ARSB: variants seen among roughly 807,000 people sequenced by gnomAD.
ARSB encodes the protein N-acetylgalactosamine-4-sulfatase.
A neutral mutation model predicts 50.9 loss-of-function variants in ARSB; 41 were observed. That is an observed-to-expected ratio of 0.81 (90% CI 0.63 to 1.04). ARSB has a LOEUF of 1.04. Ranked by LOEUF, ARSB falls within the 50% of genes least tolerant of loss-of-function variation. ARSB has a pLI of 0.00. For missense variants in ARSB, 672 were observed against 693.3 expected (o/e 0.97, Z 0.35); for synonymous variants, 269 against 284.8 (o/e 0.94, Z 0.56).
intron 6 of ARSB, among the ~76,000 whole-genome samples, chr5:78,825,860 CTAA>C (rs1390421997): frequency 2.0e-5 from 3 of 152,104 alleles, no homozygotes; most frequent in Non-Finnish European, 4.4e-5. Context: ...TAAATTTATA[CTAA>C]TGTCAGTCTC....
chr5:78,885,537 C>T (rs759360225), intron 5 of ARSB, 47 bp downstream of exon 5: 102 of 1,605,610 alleles, frequency 6.4e-5, no homozygotes, highest in Non-Finnish European at 8.2e-5. Context: ...AGTCAGGCTG[C>T]TCTTGGAGTT....
chr5:78,955,239 T>A, intron 4 of ARSB, 56 bp downstream of exon 4: 2 of 1,573,394 alleles, frequency 1.3e-6, no homozygotes, highest in Middle Eastern at 1.7e-4. Flanking sequence ...ATTCCACTTA[T>A]CAAATACCAT....
intron 6 of ARSB, among the ~76,000 whole-genome samples, chr5:78,835,201 A>C (rs1744897139): frequency 6.6e-6 from 1 of 152,094 alleles, no homozygotes. Flanking sequence ...TTTTACTGTT[A>C]GTATCCAAGC....
intron 1 of ARSB, among the ~76,000 whole-genome samples, chr5:78,972,080 A>G (rs2112540001): frequency 6.6e-6 from 1 of 152,314 alleles, no homozygotes; most frequent in East Asian, 1.9e-4. Flanking sequence ...ATGAGGATCA[A>G]GTCAAAGGAC....
chr5:78,803,190 G>A (rs527627244), intron 6 of ARSB, among the ~76,000 whole-genome samples: 25 of 152,210 alleles, frequency 1.6e-4, no homozygotes, highest in African/African-American at 5.3e-4. Context: ...AGTGGGACTC[G>A]TCTGCTTTCC....
chr5:78,826,110 G>A (rs918150103), intron 6 of ARSB, among the ~76,000 whole-genome samples: 1 of 150,730 alleles, frequency 6.6e-6, no homozygotes, highest in Non-Finnish European at 1.5e-5. Flanking sequence ...GCAGTGGCAC[G>A]ATCTTGGCTC....
At chr5:78,862,015 A>C (rs1483228592) in intron 5 of ARSB, among the ~76,000 whole-genome samples, 1 of 152,310 alleles carries the variant, frequency 6.6e-6, no homozygotes, top group East Asian at 1.9e-4. Context: ...CCCATTCACA[A>C]TTGCTTCAAA....
intron 6 of ARSB, among the ~76,000 whole-genome samples, chr5:78,806,290 C>T (rs1236400090): frequency 6.6e-6 from 1 of 152,164 alleles, no homozygotes; most frequent in Non-Finnish European, 1.5e-5. Flanking sequence ...CAACTGTATA[C>T]CTGAAGGATG....
chr5:78,871,045 T>C (rs543968052), intron 5 of ARSB, among the ~76,000 whole-genome samples: 2,966 of 150,270 alleles, frequency 0.02, 101 homozygotes, highest in African/African-American at 0.069. Flanking sequence ...AGCCAAATCA[T>C]GAGTGAACTC....
intron 4 of ARSB, among the ~76,000 whole-genome samples, chr5:78,921,088 G>A (rs185602499): frequency 6.6e-4 from 100 of 152,160 alleles, no homozygotes; most frequent in Non-Finnish European, 4.7e-4. Flanking sequence ...AAACCTGGAC[G>A]CTCAATGACC....
chr5:78,916,817 T>C (rs1749567335), intron 4 of ARSB, among the ~76,000 whole-genome samples: 1 of 152,018 alleles, frequency 6.6e-6, no homozygotes, highest in Non-Finnish European at 1.5e-5. Flanking sequence ...TATAAACACA[T>C]AGATACACAC....
At chr5:78,892,548 G>A (rs372857355) in intron 4 of ARSB, among the ~76,000 whole-genome samples, 4 of 152,178 alleles carry the variant, frequency 2.6e-5, no homozygotes, top group South Asian at 4.1e-4. Flanking sequence ...AAGCCACCAC[G>A]CCCAGCCTGC....
At chr5:78,792,116 C>A (rs1008044340) in intron 6 of ARSB, among the ~76,000 whole-genome samples, 1 of 152,108 alleles carries the variant, frequency 6.6e-6, no homozygotes, top group East Asian at 1.9e-4. Context: ...TGGTGGCTCA[C>A]GCCTGTAATC....
intron 6 of ARSB, among the ~76,000 whole-genome samples, chr5:78,830,554 G>C (rs955892140): frequency 6.6e-6 from 1 of 152,126 alleles, no homozygotes; most frequent in Non-Finnish European, 1.5e-5. Flanking sequence ...TATTTTCTCG[G>C]GATGAAAGCC....
intron 3 of ARSB, among the ~76,000 whole-genome samples, chr5:78,963,922 G>A (rs1752101416): frequency 6.6e-6 from 1 of 152,186 alleles, no homozygotes; most frequent in Admixed American, 6.5e-5. Context: ...TTCTTGTAGG[G>A]AGGAAGTACA....
At chr5:78,966,381 T>C (rs762484224) in intron 2 of ARSB, among the ~76,000 whole-genome samples, 10 of 149,422 alleles carry the variant, frequency 6.7e-5, no homozygotes, top group Non-Finnish European at 1.2e-4. Context: ...AAAATGCTTC[T>C]TGAACAACCA....
intron 5 of ARSB, among the ~76,000 whole-genome samples, chr5:78,855,450 C>T (rs1309977808): frequency 6.6e-6 from 1 of 152,158 alleles, no homozygotes; most frequent in Non-Finnish European, 1.5e-5. Context: ...CTTGGCCCCA[C>T]AGGGGAGCAC....
In ARSB at chr5:78,816,976, A is replaced by G. The variant is rs1281948456; in HGVS notation, c.1213+22380T>C. On this transcript the variant is annotated intron_variant, in intron 6 of 7. Transcript: ENST00000264914. Reference sequence around the variant, plus strand: ...CCAGTTGAGCCTGCCCAGCCTTCAGACCTACAGAACTGTGAGGTAGTAAAC... The same window carrying G: ...CCAGTTGAGCCTGCCCAGCCTTCAGGCCTACAGAACTGTGAGGTAGTAAAC... The G allele has an allele frequency of 4.9e-6, 3 of 617,330 alleles. No individual in the cohort carries two copies. The African/African-American group carries it at 6.0e-5, about 12-fold the overall frequency. The allele number at this position is 617,330 out of a possible 1,614,324, so 38.2% of individuals were successfully genotyped here.
intron 6 of ARSB, among the ~76,000 whole-genome samples, chr5:78,796,798 C>G (rs1399921222): frequency 6.6e-6 from 1 of 151,564 alleles, no homozygotes; most frequent in African/African-American, 2.4e-5. Context: ...GGACTACAGG[C>G]ACACGCCACC....
Sources: gnomAD v4.1 joint callset for allele counts (sites outside exome capture counted in the v4.1 genomes callset) on GRCh38, gnomAD v4.1.1 for gene constraint, MANE v1.5 for transcripts, NCBI Gene and HGNC (gene_info 2026-07-23, HGNC 2026-07-21) for gene names.